Variants in DNAH11 observed in about 807,000 individuals in gnomAD.
DNAH11 encodes the protein axonemal beta dynein heavy chain 11.
Under a neutral mutation model 526.0 loss-of-function variants are expected in DNAH11, and 442 were observed. That is an observed-to-expected ratio of 0.84 (90% CI 0.78 to 0.91). DNAH11 has a LOEUF of 0.91. Ranked by LOEUF, DNAH11 falls within the 40% of genes least tolerant of loss-of-function variation. The pLI is 0.00. For missense variants in DNAH11, 6,989 were observed against 5,448.7 expected (o/e 1.28, Z -8.90); for synonymous variants, 2,461 against 1,935.9 (o/e 1.27, Z -7.12).
At chr7:21,750,564 G>T (rs890371215) in intron 54 of DNAH11, among the ~76,000 whole-genome samples, 200 bp downstream of exon 54, 1 of 152,162 alleles carries the variant, frequency 6.6e-6, no homozygotes, top group Non-Finnish European at 1.5e-5. Context: ...ATTGCTGAGC[G>T]GTGTGTGCAG....
At chr7:21,895,083 A>T (rs1009131380) in intron 79 of DNAH11, 84 bp downstream of exon 79, 1 of 1,114,950 alleles carries the variant, frequency 9.0e-7, no homozygotes, top group Non-Finnish European at 1.3e-6. Context: ...CCTAAGAACT[A>T]TGCAGACGGA....
rs944798823 is a variant in DNAH11, at chr7:21,735,056, A to C, written c.7441-584A>C. 8.3e-5 allele frequency among the ~76,000 whole-genome samples: 12 copies of C among 145,050 alleles called. No individual in the cohort carries two copies. The East Asian group carries it at 2.5e-3, about 30-fold the overall frequency. On this transcript the variant is annotated intron_variant, in intron 45 of 81. Coordinates refer to ENST00000409508, the MANE Select transcript of DNAH11 (RefSeq NM_001277115.2). ...GTGGTGGTGCACACCTGTAGTCCCA[A>C]CTACTCAGGAGGCTGAAGTGGGAGA...
intron 30 of DNAH11, among the ~76,000 whole-genome samples, chr7:21,674,028 T>TTGTGTGTGTG (rs59263134): frequency 5.5e-4 from 75 of 137,364 alleles, no homozygotes; most frequent in African/African-American, 1.7e-3. Flanking sequence ...CTGTTTTGTT[T>TTGTGTGTGTG]TGTGTGTGTG....
rs578086869 is a variant in DNAH11 at position 21,816,565 on chromosome 7, A to C, written c.10431A>C (p.Arg3477Ser). 22 of 1,613,400 alleles carry C rather than the reference A, an allele frequency of 1.4e-5. No individual in the cohort carries two copies. The highest frequency in any genetic ancestry group is 2.7e-5 in the African/African-American group (2 of 75,024). Reference protein sequence around the residue: ...AWNNEGLPSDRMSTENAAILT... With the variant: ...AWNNEGLPSDSMSTENAAILT... ...ATAACGAAGGACTGCCCAGTGACAG[A>C]ATGTCCACCGAAAATGCCGCTATCC... Residue 3477 changes from arginine (R) to serine (S), a missense_variant, in exon 64 of 82, where the codon AGA becomes AGC. Coordinates refer to ENST00000409508, the MANE Select transcript of DNAH11 (RefSeq NM_001277115.2).
chr7:21,850,385 A>G (rs564261251), intron 66 of DNAH11, among the ~76,000 whole-genome samples: 1 of 151,596 alleles, frequency 6.6e-6, no homozygotes, highest in African/African-American at 2.4e-5. Flanking sequence ...AGAAAAAGAA[A>G]AAAAATTCTT....
intron 14 of DNAH11, among the ~76,000 whole-genome samples, chr7:21,594,943 A>G (rs894873052): frequency 6.6e-6 from 1 of 152,168 alleles, no homozygotes; most frequent in Admixed American, 6.5e-5. Flanking sequence ...CTTTCATTCT[A>G]AAAGGATTTC....
rs1785963511 is a variant in DNAH11, at chr7:21,619,963, C to T, written c.4385C>T (p.Thr1462Ile). Residue 1462 changes from threonine (T) to isoleucine (I), a missense_variant, in exon 25 of 82, where the codon ACT becomes ATT. Transcript: ENST00000409508. ...VKELGTEKVI[T>I]EISQTWATMK... ...TATATTGTTGATTACTAGGTTATTA[C>T]TGAAATCAGTCAGACCTGGGCAACC... The T allele has an allele frequency of 1.9e-6, 3 of 1,598,234 alleles. No homozygotes were observed. Among genetic ancestry groups the T allele is most frequent in the African/African-American group, 2.7e-5 (2 of 74,192 alleles).
chr7:21,847,518 C>T (rs60245714), intron 66 of DNAH11, among the ~76,000 whole-genome samples: 26,588 of 151,904 alleles, frequency 0.18, 4,894 homozygotes, highest in African/African-American at 0.46. Context: ...TGATTTCTTA[C>T]GTAATTTTGT....
At chr7:21,850,364 A>G (rs1418311331) in intron 66 of DNAH11, among the ~76,000 whole-genome samples, 4 of 150,802 alleles carry the variant, frequency 2.7e-5, no homozygotes, top group Admixed American at 6.6e-5. Flanking sequence ...CAAAAAAAAA[A>G]AAAAAGAAAA....
chr7:21,838,716 C>CTATTTATT (rs34468017), intron 65 of DNAH11, among the ~76,000 whole-genome samples: 2,444 of 148,972 alleles, frequency 0.016, 50 homozygotes, highest in African/African-American at 0.046. Flanking sequence ...GATTTTTAAA[C>CTATTTATT]TATTTATTTA....
At chr7:21,667,727 T>C (rs1335421531) in intron 30 of DNAH11, among the ~76,000 whole-genome samples, 1 of 152,152 alleles carries the variant, frequency 6.6e-6, no homozygotes, top group African/African-American at 2.4e-5. Flanking sequence ...AATAAAGGGA[T>C]AGGGAAAAAA....
In DNAH11 at chr7:21,744,354, C is replaced by T. The variant is rs897599808; in HGVS notation, c.8155-84C>T. Reference sequence around the variant, plus strand: ...TTCTTTTAACCATTTGCTAAGTTCACATTTTAGTTTAAAAAGTGTTAAACT... The same window carrying T: ...TTCTTTTAACCATTTGCTAAGTTCATATTTTAGTTTAAAAAGTGTTAAACT... On this transcript the variant is annotated intron_variant, in intron 49 of 81. Coordinates refer to ENST00000409508, the MANE Select transcript of DNAH11 (RefSeq NM_001277115.2). 4 of 1,423,880 alleles carry T rather than the reference C, an allele frequency of 2.8e-6. No individual in the cohort carries two copies. In the East Asian group the frequency reaches 9.2e-5, roughly 33 times the overall value. 88.2% of individuals were successfully genotyped at this position (1,423,880 alleles called of 1,614,324 possible).
In DNAH11 at chr7:21,787,785, T is replaced by C. The variant is rs187092370; in HGVS notation, c.9924+202T>C. Among the ~76,000 whole-genome samples, 435 of 152,360 alleles carry C rather than the reference T, an allele frequency of 2.9e-3. 3 individuals are homozygous for C. The highest frequency in any genetic ancestry group is 0.014 in the Middle Eastern group (4 of 294). On this transcript the variant is annotated intron_variant, in intron 60 of 81. Coordinates refer to ENST00000409508, the MANE Select transcript of DNAH11 (RefSeq NM_001277115.2). ...TGAAATGTTAGAAACTATCTTTTTT[T>C]GGGCAGAGTGATTGGCTCCTTTAGA...
Position 21,671,057 on chromosome 7 carries a change from A to G in DNAH11, c.5329-10489A>G, listed in dbSNP as rs941348561. On this transcript the variant is annotated intron_variant, in intron 30 of 81. Coordinates refer to ENST00000409508, the MANE Select transcript of DNAH11 (RefSeq NM_001277115.2). ...GTTGGAAAGTGATCCATTTATATCT[A>G]TTTTGTGAAAGAGCTTATGTTAGAC... Among the ~76,000 whole-genome samples, 26 of 152,248 alleles carry G rather than the reference A, an allele frequency of 1.7e-4. 2 individuals carry two copies. Among genetic ancestry groups the G allele is most frequent in the Admixed American group, 1.2e-3 (18 of 15,288 alleles).
intron 66 of DNAH11, among the ~76,000 whole-genome samples, chr7:21,844,000 A>G (rs771505256): frequency 5.9e-5 from 9 of 152,230 alleles, no homozygotes; most frequent in Non-Finnish European, 1.2e-4. Context: ...GATGAACAAC[A>G]TTATTCATAT....
rs1060503061 is a variant in DNAH11 at position 21,704,513 on chromosome 7, G to T, written c.6353G>T (p.Gly2118Val). Residue 2118 changes from glycine to valine, a missense_variant, in exon 38 of 82, where the codon GGT (glycine) becomes GTT (valine). Physicochemically the swap from Gly to Val is moderately radical, Grantham distance 109. Coordinates refer to ENST00000409508, the MANE Select transcript of DNAH11 (RefSeq NM_001277115.2). ...DDIPVFLGLV[G>V]DLFPALDVPR... is the part of the protein sequence containing the mutation. Reference sequence around the variant, plus strand: ...ATCCCAGTGTTTCTGGGCCTGGTCGGTGACCTGTTTCCAGCCCTGGATGTG... The same window carrying T: ...ATCCCAGTGTTTCTGGGCCTGGTCGTTGACCTGTTTCCAGCCCTGGATGTG... 1.4e-5 allele frequency: 23 copies of T among 1,613,850 alleles called. No homozygotes were observed. Among genetic ancestry groups the T allele is most frequent in the Non-Finnish European group, 1.9e-5 (23 of 1,179,832 alleles).
At chr7:21,680,574 T>C (rs1477087433) in intron 30 of DNAH11, among the ~76,000 whole-genome samples, 3 of 152,340 alleles carry the variant, frequency 2.0e-5, no homozygotes, top group East Asian at 1.9e-4. Flanking sequence ...TAAAACAGCA[T>C]GAAACAATAC....
At chr7:21,859,551 C>G (rs543954413) in intron 68 of DNAH11, among the ~76,000 whole-genome samples, 1 of 152,260 alleles carries the variant, frequency 6.6e-6, no homozygotes, top group South Asian at 2.1e-4. Flanking sequence ...CATATTCAAG[C>G]TATACTTTGT....
At chr7:21,761,762 A>C (rs566771334) in intron 54 of DNAH11, among the ~76,000 whole-genome samples, 1 of 152,210 alleles carries the variant, frequency 6.6e-6, no homozygotes, top group African/African-American at 2.4e-5. Context: ...TATTTAAGCA[A>C]TAATACATAA....
Sources: allele counts gnomAD v4.1 joint callset (sites outside exome capture counted in the v4.1 genomes callset), GRCh38; gene constraint gnomAD v4.1.1; transcripts MANE v1.5; gene names NCBI Gene and HGNC (gene_info 2026-07-23, HGNC 2026-07-21).